SLC9A4: variants seen among roughly 807,000 people sequenced by gnomAD.
The protein encoded by SLC9A4 is sodium/hydrogen exchanger 4.
SLC9A4 carries 63 observed loss-of-function variants against 67.4 expected under a neutral mutation model. The observed-to-expected ratio is 0.93, with a 90% CI of 0.76 to 1.15. The LOEUF is 1.15. SLC9A4 is among the 50% of genes most tolerant of loss of function. The pLI, the probability that SLC9A4 is intolerant of heterozygous loss-of-function variation, is 0.00. For missense variants in SLC9A4, 1,089 were observed against 987.7 expected, an observed-to-expected ratio of 1.10 and a Z score of -1.38; for synonymous variants, 393 against 367.2, an observed-to-expected ratio of 1.07 and a Z score of -0.80.
intron 9 of SLC9A4, among the ~76,000 whole-genome samples, chr2:102,523,553 CAATAGA>C (rs576029820): frequency 1.4e-3 from 214 of 152,270 alleles, no homozygotes; most frequent in African/African-American, 4.7e-3. Flanking sequence ...GGATAAAAAT[CAATAGA>C]AATAGAAGTA....
chr2:102,496,056 T>C (rs1684801946), intron 2 of SLC9A4, among the ~76,000 whole-genome samples: 3 of 151,736 alleles, frequency 2.0e-5, no homozygotes, highest in South Asian at 2.1e-4. Context: ...AGAAAAAAAA[T>C]GCTCTTCAAA....
chr2:102,515,274 T>C (rs893857481), intron 8 of SLC9A4, among the ~76,000 whole-genome samples: 1 of 151,768 alleles, frequency 6.6e-6, no homozygotes, highest in Non-Finnish European at 1.5e-5. Flanking sequence ...CTGAGTGTTA[T>C]TTCTGAGATA....
intron 2 of SLC9A4, among the ~76,000 whole-genome samples, chr2:102,494,564 G>C (rs916561456): frequency 6.6e-6 from 1 of 151,992 alleles, no homozygotes; most frequent in Non-Finnish European, 1.5e-5. Flanking sequence ...ATTATAAAGC[G>C]GGGCTCAAAT....
chr2:102,487,829 G>T (rs2080315), intron 2 of SLC9A4, among the ~76,000 whole-genome samples: 15,981 of 152,160 alleles, frequency 0.11, 1,066 homozygotes, highest in Middle Eastern at 0.18. Context: ...AAGCAATGTC[G>T]CTTTAGCTTT....
intron 2 of SLC9A4, among the ~76,000 whole-genome samples, chr2:102,480,522 G>A (rs1385592371): frequency 2.0e-5 from 3 of 152,058 alleles, no homozygotes; most frequent in African/African-American, 4.8e-5. Flanking sequence ...AACTTATTTA[G>A]CAGTTTCCTG....
chr2:102,483,814 A>G, intron 2 of SLC9A4, among the ~76,000 whole-genome samples: 2 of 108,030 alleles, frequency 1.9e-5, no homozygotes, highest in South Asian at 5.1e-4. Context: ...ATATATATAT[A>G]TATATATATA....
intron 2 of SLC9A4, among the ~76,000 whole-genome samples, chr2:102,503,014 A>G (rs1269038274): frequency 6.6e-6 from 1 of 152,234 alleles, no homozygotes; most frequent in Non-Finnish European, 1.5e-5. Context: ...CAGGCCCCAG[A>G]AAAACTGCAG....
chr2:102,491,849 C>G (rs1489138342), intron 2 of SLC9A4, among the ~76,000 whole-genome samples: 1 of 152,196 alleles, frequency 6.6e-6, no homozygotes, highest in African/African-American at 2.4e-5. Flanking sequence ...TCCCTCCCAC[C>G]TATGACCCTG....
chr2:102,485,161 G>C (rs990128562), intron 2 of SLC9A4, among the ~76,000 whole-genome samples: 1 of 152,126 alleles, frequency 6.6e-6, no homozygotes, highest in Non-Finnish European at 1.5e-5. Flanking sequence ...AGGCCTCTTG[G>C]GTGACTTAGC....
chr2:102,529,487 G>T (rs1223189183), intron 11 of SLC9A4, among the ~76,000 whole-genome samples: 1 of 152,096 alleles, frequency 6.6e-6, no homozygotes, highest in East Asian at 1.9e-4. Context: ...GGCTTGCTTG[G>T]AATTAACTCT....
chr2:102,475,754 T>TA (rs1405121415), intron 1 of SLC9A4, among the ~76,000 whole-genome samples: 2 of 152,054 alleles, frequency 1.3e-5, no homozygotes, highest in African/African-American at 4.8e-5. Context: ...AGTGAGGAGA[T>TA]AAAAAGGCCA....
At chr2:102,516,497 A>T (rs967580396) in intron 8 of SLC9A4, among the ~76,000 whole-genome samples, 2 of 152,184 alleles carry the variant, frequency 1.3e-5, no homozygotes, top group Non-Finnish European at 2.9e-5. Flanking sequence ...GCTTTTTATT[A>T]TTCTGTATGA....
chr2:102,488,589 C>T (rs1026714627), intron 2 of SLC9A4, among the ~76,000 whole-genome samples: 1 of 150,750 alleles, frequency 6.6e-6, no homozygotes, highest in Admixed American at 6.6e-5. Flanking sequence ...CGCTCTGTTG[C>T]CCAGGCTGGA....
rs17027275 is a variant in SLC9A4 at position 102,478,928 on chromosome 2, G to C, written c.346G>C (p.Gly116Arg). The C allele has an allele frequency of 3.1e-6, 5 of 1,614,012 alleles. No homozygotes were observed. Among genetic ancestry groups the C allele is most frequent in the South Asian group, 1.1e-5 (1 of 91,076 alleles). ...GGCGCTGGTGGGCGGCATCATCTTC[G>C]GCACCGACCACAAATCGCCTCCGGT... is the stretch of plus-strand genomic sequence containing the variant. ...VGALVGGIIF[G>R]TDHKSPPVMD... Residue 116 changes from glycine (G) to arginine (R), a missense_variant, in exon 2 of 12, where the codon GGC (glycine) becomes CGC (arginine). By Grantham distance (125) the Gly-to-Arg change is moderately radical (BLOSUM62 -2). Transcript: ENST00000295269.
At chr2:102,526,036 C>T (rs112922328) in intron 10 of SLC9A4, among the ~76,000 whole-genome samples, 21,104 of 152,066 alleles carry the variant, frequency 0.14, 1,662 homozygotes, top group African/African-American at 0.2. Context: ...TACAGGTGCC[C>T]GTCTCCACGC....
At chr2:102,474,080 C>T in intron 1 of SLC9A4, 65 bp downstream of exon 1, 6 of 1,544,402 alleles carry the variant, frequency 3.9e-6, no homozygotes, top group Non-Finnish European at 5.3e-6. Flanking sequence ...TGTGAAAATG[C>T]CTTATAGATA....
intron 8 of SLC9A4, among the ~76,000 whole-genome samples, chr2:102,515,658 T>C (rs1685262975): frequency 6.6e-6 from 1 of 151,950 alleles, no homozygotes; most frequent in African/African-American, 2.4e-5. Context: ...AATGTTGATA[T>C]TATATTCATC....
intron 9 of SLC9A4, among the ~76,000 whole-genome samples, chr2:102,524,821 G>A (rs770959134): frequency 8.5e-5 from 13 of 152,170 alleles, no homozygotes; most frequent in Non-Finnish European, 1.3e-4. Flanking sequence ...CCACAGCTCC[G>A]CCCTGAAAGC....
At chr2:102,487,707 G>T (rs1181234101) in intron 2 of SLC9A4, among the ~76,000 whole-genome samples, 1 of 152,174 alleles carries the variant, frequency 6.6e-6, no homozygotes, top group Non-Finnish European at 1.5e-5. Flanking sequence ...CTCACTTCAG[G>T]TCACATGCAC....
Sources: gnomAD v4.1 joint callset for allele counts (sites outside exome capture counted in the v4.1 genomes callset) on GRCh38, gnomAD v4.1.1 for gene constraint, MANE v1.5 for transcripts, NCBI Gene and HGNC (gene_info 2026-07-23, HGNC 2026-07-21) for gene names.